HPSE2: variants seen among roughly 807,000 people sequenced by gnomAD.
HPSE2 encodes the protein inactive heparanase-2.
A neutral mutation model predicts 60.5 loss-of-function variants in HPSE2; 38 were observed. That is an observed-to-expected ratio of 0.63 (90% confidence interval 0.48 to 0.82). The LOEUF (loss-of-function observed/expected upper bound fraction) is 0.82. Ranked by LOEUF, HPSE2 falls within the 40% of genes least tolerant of loss-of-function variation. The pLI is 0.00. For synonymous variants in HPSE2, 295 were observed against 293.2 expected, an observed-to-expected ratio of 1.01 and a Z score of -0.06; for missense variants, 713 against 740.4, an observed-to-expected ratio of 0.96 and a Z score of 0.43.
chr10:99,102,781 ACCATGAT>A (rs1844064347), intron 3 of HPSE2, among the ~76,000 whole-genome samples: 1 of 152,194 alleles, frequency 6.6e-6, no homozygotes, highest in East Asian at 1.9e-4. Flanking sequence ...AAGCTTACCC[ACCATGAT>A]CAAGTGGGCT....
chr10:98,714,626 T>C (rs777110261), intron 5 of HPSE2, among the ~76,000 whole-genome samples: 26 of 151,960 alleles, frequency 1.7e-4, no homozygotes, highest in Non-Finnish European at 3.7e-4. Flanking sequence ...TGTTTCTATT[T>C]TTTAGCTATT....
chr10:98,887,519 A>T lies in HPSE2; in HGVS notation c.611-143463T>A, dbSNP rs114210384. On this transcript the variant is annotated intron_variant, in intron 3 of 11. Coordinates refer to ENST00000370552, the MANE Select transcript of HPSE2 (RefSeq NM_021828.5). ...AGGGTATACAGAGAAGCATTATGAA[A>T]GCCATAGGGCCAGAAAAGACAGAAC... is the stretch of plus-strand genomic sequence containing the variant. Among the ~76,000 whole-genome samples, 601 of 152,286 alleles carry T rather than the reference A, an allele frequency of 3.9e-3. 2 individuals are homozygous for T. Among genetic ancestry groups the T allele is most frequent in the African/African-American group, 0.014 (576 of 41,578 alleles).
At chr10:98,817,717 T>C (rs986392313) in intron 3 of HPSE2, among the ~76,000 whole-genome samples, 5 of 152,172 alleles carry the variant, frequency 3.3e-5, no homozygotes, top group African/African-American at 9.7e-5. Flanking sequence ...CCCGTTTCTG[T>C]TAAAACTGTT....
chr10:98,562,854 G>C (rs1182616927), intron 9 of HPSE2, among the ~76,000 whole-genome samples: 1 of 151,494 alleles, frequency 6.6e-6, no homozygotes, highest in East Asian at 1.9e-4. Context: ...TTTTTTATTT[G>C]GATGGGTTGA....
At chr10:98,705,265 G>A (rs1440402677) in intron 5 of HPSE2, among the ~76,000 whole-genome samples, 1 of 152,156 alleles carries the variant, frequency 6.6e-6, no homozygotes, top group Non-Finnish European at 1.5e-5. Flanking sequence ...AATAGATGCT[G>A]GCGAAGCTGC....
the HPSE2 span, among the ~76,000 whole-genome samples, chr10:99,312,801 T>A: frequency 6.6e-6 from 1 of 152,240 alleles, no homozygotes; most frequent in African/African-American, 2.4e-5. Context: ...CAAAGTCAAT[T>A]GGAAACCTTC....
intron 3 of HPSE2, among the ~76,000 whole-genome samples, chr10:98,962,724 T>G (rs1383627088): frequency 6.7e-6 from 1 of 149,814 alleles, no homozygotes; most frequent in African/African-American, 2.5e-5. Flanking sequence ...ATAAGCAACT[T>G]CAGCAAAGTC....
chr10:98,796,760 T>C (rs924755475), intron 3 of HPSE2, among the ~76,000 whole-genome samples: 1 of 152,208 alleles, frequency 6.6e-6, no homozygotes, highest in African/African-American at 2.4e-5. Flanking sequence ...GCCAGTGCAG[T>C]CCCAGTGGTA....
At chr10:98,508,732 GT>G (rs1222940995) in intron 9 of HPSE2, among the ~76,000 whole-genome samples, 3 of 152,182 alleles carry the variant, frequency 2.0e-5, no homozygotes, top group Non-Finnish European at 4.4e-5. Context: ...GACATAAAGT[GT>G]TTGGGGCAAC....
chr10:99,300,453 C>A, the HPSE2 span, among the ~76,000 whole-genome samples: 13 of 152,286 alleles, frequency 8.5e-5, no homozygotes, highest in African/African-American at 3.1e-4. Flanking sequence ...CACTGTCTTC[C>A]TACTCTTGTA....
chr10:99,152,486 TTC>T (rs1233302828), intron 2 of HPSE2, among the ~76,000 whole-genome samples: 4 of 152,162 alleles, frequency 2.6e-5, no homozygotes, highest in African/African-American at 9.6e-5. Flanking sequence ...AAAAATCCTT[TTC>T]TCTTTTACAT....
chr10:98,925,575 C>A (rs1022754397), intron 3 of HPSE2, among the ~76,000 whole-genome samples: 1 of 152,096 alleles, frequency 6.6e-6, no homozygotes, highest in African/African-American at 2.4e-5. Context: ...TCAATATCAA[C>A]CAATGGGGAT....
In HPSE2 at chr10:98,616,301, A is replaced by G. The variant is rs78198315; in HGVS notation, c.1206-1283T>C. On this transcript the variant is annotated intron_variant, in intron 8 of 11. Transcript: ENST00000370552. ...TCTGTCAGTTCTGAGTTCATCAAGC[A>G]TAGACACAATGTCTGAACTTGTACC... 3.5e-3 allele frequency among the ~76,000 whole-genome samples: 535 copies of G among 152,294 alleles called. 2 individuals are homozygous for G. Among genetic ancestry groups the G allele is most frequent in the African/African-American group, 0.012 (509 of 41,552 alleles).
chr10:99,312,061 A>G, the HPSE2 span, among the ~76,000 whole-genome samples: 1 of 152,190 alleles, frequency 6.6e-6, no homozygotes, highest in Non-Finnish European at 1.5e-5. Flanking sequence ...GAGGTGAGGA[A>G]GTTGCCCAGG....
chr10:98,615,978 C>T (rs746701277), intron 8 of HPSE2, among the ~76,000 whole-genome samples: 1 of 152,144 alleles, frequency 6.6e-6, no homozygotes, highest in African/African-American at 2.4e-5. Context: ...CCACAGGCTC[C>T]AAGACACATG....
chr10:98,716,059 T>C (rs1369232103), intron 5 of HPSE2, among the ~76,000 whole-genome samples: 1 of 152,056 alleles, frequency 6.6e-6, no homozygotes, highest in Non-Finnish European at 1.5e-5. Flanking sequence ...CTAAATCCTT[T>C]TGTATCATTT....
chr10:99,179,128 T>G (rs188985341), intron 2 of HPSE2, among the ~76,000 whole-genome samples: 1 of 152,276 alleles, frequency 6.6e-6, no homozygotes, highest in African/African-American at 2.4e-5. Context: ...CTCAAAATAA[T>G]AAGACCTACT....
chr10:98,683,884 GAGA>G (rs1363157872), intron 6 of HPSE2, among the ~76,000 whole-genome samples: 1 of 152,052 alleles, frequency 6.6e-6, no homozygotes, highest in East Asian at 1.9e-4. Flanking sequence ...TAGGAACAGG[GAGA>G]AGATCTTAAA....
upstream of HPSE2, among the ~76,000 whole-genome samples, chr10:99,239,418 G>A (rs1179947712): frequency 1.0e-5 from 1 of 100,404 alleles, no homozygotes. Context: ...GTTTGTCAAG[G>A]TTTTTTTTTT....
Sources: gnomAD v4.1 joint callset for allele counts (sites outside exome capture counted in the v4.1 genomes callset) on GRCh38, gnomAD v4.1.1 for gene constraint, MANE v1.5 for transcripts, NCBI Gene and HGNC (gene_info 2026-07-23, HGNC 2026-07-21) for gene names.